Variants in TTC19 observed in about 807,000 individuals in gnomAD.
TTC19 encodes the protein tetratricopeptide repeat protein 19, mitochondrial.
In TTC19, 38 loss-of-function variants were observed where a neutral mutation model predicts 49.5. The ratio of observed to expected loss-of-function variants is 0.77; its 90% CI spans 0.59 to 1.01. TTC19 has a LOEUF of 1.01. Ranked by LOEUF, TTC19 falls within the 50% of genes least tolerant of loss-of-function variation. The pLI, the probability that TTC19 is intolerant of heterozygous loss-of-function variation, is 0.00. For missense variants in TTC19, 475 were observed against 477.7 expected (o/e 0.99, Z 0.05); for synonymous variants, 204 against 185.2 (o/e 1.10, Z -0.83).
At chr17:16,031,021 T>C (rs1313866637), downstream of TTC19, 2 of 195,922 alleles carry the variant, frequency 1.0e-5, no homozygotes, top group Non-Finnish European at 2.1e-5. Context: ...AATGCTATGA[T>C]AAATTGTATG....
Position 16,021,055 on chromosome 17 carries a change from C to T in TTC19, c.677-3962C>T, listed in dbSNP as rs1052091718. Among the ~76,000 whole-genome samples, 5 of 152,200 alleles carry T rather than the reference C, an allele frequency of 3.3e-5. No homozygotes were observed. In the East Asian group the frequency reaches 5.8e-4, roughly 18 times the overall value. On this transcript the variant is annotated intron_variant, in intron 7 of 9. Coordinates refer to ENST00000261647, the MANE Select transcript of TTC19 (RefSeq NM_017775.4). ...TCAGAAATACTGAGTGCCCATTACA[C>T]ACTAGATATGCTGCTAGGTGCTGAG...
intron 2 of TTC19, chr17:16,044,395 C>T: frequency 2.1e-6 from 1 of 471,280 alleles, no homozygotes; most frequent in Middle Eastern, 3.3e-4. Context: ...AAACAAACAT[C>T]CACCAGGCAG....
chr17:16,001,969 C>G lies in TTC19; in HGVS notation c.367C>G (p.Leu123Val). The change falls in exon 3 of 10, where the codon CTT becomes GTT. Residue 123 changes from leucine (L) to valine (V), a missense_variant. Coordinates refer to ENST00000261647, the MANE Select transcript of TTC19 (RefSeq NM_017775.4). ...GGCTGAGTTAATTTTGCATGACGCT[C>G]TTCGTCTCGCCTATCAGACTGATAA... ...EEAELILHDA[L>V]RLAYQTDNKK... The G allele has an allele frequency of 6.2e-7, 1 of 1,613,440 alleles. No individual in the cohort carries two copies. The highest frequency in any genetic ancestry group is 8.5e-7 in the Non-Finnish European group (1 of 1,180,004).
chr17:16,006,135 C>T lies in TTC19; in HGVS notation c.582-339C>T, dbSNP rs146117398. Among the ~76,000 whole-genome samples the T allele has an allele frequency of 2.0e-4, 31 of 152,278 alleles. 1 individual carries two copies. In the East Asian group the frequency reaches 5.2e-3, roughly 26 times the overall value. On this transcript the variant is annotated intron_variant, in intron 6 of 9. Transcript: ENST00000261647. ...TTTGTGAAAAGGTAAATGGGCCGGG[C>T]GCAGTGGCTCACGCCTGTAATCCCA...
chr17:16,020,488 T>G (rs1315709951), intron 7 of TTC19, among the ~76,000 whole-genome samples: 2 of 152,228 alleles, frequency 1.3e-5, no homozygotes, highest in East Asian at 3.8e-4. Context: ...AAAATTTGTA[T>G]ATTAACAGAA....
chr17:16,039,656 T>C, intron 2 of TTC19: 1 of 1,611,282 alleles, frequency 6.2e-7, no homozygotes, highest in Non-Finnish European at 8.5e-7. Flanking sequence ...TAACTGAGCC[T>C]GAAAGAGAAT....
chr17:16,004,767 T>C (rs376508545), intron 6 of TTC19, among the ~76,000 whole-genome samples: 2 of 152,152 alleles, frequency 1.3e-5, no homozygotes, highest in East Asian at 3.9e-4. Flanking sequence ...CAGAAGTTGG[T>C]GCGAGAGGTT....
chr17:16,027,654 T>G lies in TTC19; in HGVS notation c.*132T>G. On this transcript the variant is annotated 3_prime_UTR_variant, in exon 10 of 10. Coordinates refer to ENST00000261647, the MANE Select transcript of TTC19 (RefSeq NM_017775.4). ...TCAGGTTTCCTCAATTTAGCCTTAG[T>G]GAAGGAGGGGTTGTACACACTGCCA... 3 of 1,083,200 alleles carry G rather than the reference T, an allele frequency of 2.8e-6. No individual in the cohort carries two copies. Among genetic ancestry groups the G allele is most frequent in the African/African-American group, 1.6e-5 (1 of 64,094 alleles). 67.1% of individuals were successfully genotyped at this position (1,083,200 alleles called of 1,614,324 possible).
chr17:16,042,948 T>C (rs2152089290), intron 2 of TTC19, among the ~76,000 whole-genome samples: 1 of 151,784 alleles, frequency 6.6e-6, no homozygotes, highest in East Asian at 1.9e-4. Flanking sequence ...CTCCCCAGAG[T>C]AGATGAGATG....
At chr17:16,035,530 CTTTTTTTTTTT>C (rs966987249) in intron 2 of TTC19, among the ~76,000 whole-genome samples, 3 of 118,328 alleles carry the variant, frequency 2.5e-5, no homozygotes, top group Non-Finnish European at 5.4e-5. Flanking sequence ...TTCTCTTGTT[CTTTTTTTTTTT>C]TTTTTTTTTT....
chr17:16,016,049 A>G (rs1971203873), intron 7 of TTC19, among the ~76,000 whole-genome samples: 1 of 150,984 alleles, frequency 6.6e-6, no homozygotes, highest in East Asian at 1.9e-4. Flanking sequence ...TGTCTTTATT[A>G]CCTCTCTCCT....
At chr17:16,036,995 A>C (rs1413070535) in intron 2 of TTC19, among the ~76,000 whole-genome samples, 1 of 152,256 alleles carries the variant, frequency 6.6e-6, no homozygotes, top group Non-Finnish European at 1.5e-5. Context: ...CACTAAGCTT[A>C]ATCATTTCTA....
intron 7 of TTC19, among the ~76,000 whole-genome samples, chr17:16,022,028 G>T (rs73981407): frequency 0.018 from 2,784 of 152,164 alleles, 90 homozygotes; most frequent in African/African-American, 0.065. Flanking sequence ...TGTGGTCGGG[G>T]GGTTAAGGGG....
exon 3 of TTC19, chr17:16,044,828 C>G: frequency 9.3e-7 from 1 of 1,074,772 alleles, no homozygotes; most frequent in Non-Finnish European, 1.4e-6. Context: ...TGGACCTGCT[C>G]CAGCAGCTGG....
chr17:16,024,198 TCA>T (rs1971472672), intron 7 of TTC19: 1 of 152,226 alleles, frequency 6.6e-6, no homozygotes, highest in Non-Finnish European at 1.5e-5. Flanking sequence ...CATCGTATAG[TCA>T]ATTCTTGAAT....
chr17:16,019,879 C>G (rs755274332), intron 7 of TTC19, among the ~76,000 whole-genome samples: 1 of 150,860 alleles, frequency 6.6e-6, no homozygotes, highest in Non-Finnish European at 1.5e-5. Flanking sequence ...GTAATCCCAG[C>G]ATTTTGGGAG....
chr17:16,025,079 C>A lies in TTC19; in HGVS notation c.739C>A (p.Leu247Ile). 6.2e-7 allele frequency: 1 copy of A among 1,613,916 alleles called. No individual in the cohort carries two copies. Among genetic ancestry groups the A allele is most frequent in the Non-Finnish European group, 8.5e-7 (1 of 1,179,834 alleles). ...GTGCTTAGACGCCTGTGCTCGCTAC[C>A]TTCTGTTCTCCAAGCAGCCGTCACA... ...GMCLDACARY[L>I]LFSKQPSQAQ... Residue 247 changes from leucine (L) to isoleucine (I), a missense_variant, in exon 8 of 10, where the codon CTT becomes ATT. Coordinates refer to ENST00000261647, the MANE Select transcript of TTC19 (RefSeq NM_017775.4).
intron 7 of TTC19, among the ~76,000 whole-genome samples, chr17:16,009,252 T>C (rs1970997904): frequency 1.3e-5 from 2 of 152,222 alleles, no homozygotes; most frequent in Non-Finnish European, 2.9e-5. Flanking sequence ...TTTATAGTGT[T>C]GACTATGGTT....
chr17:16,022,814 T>C (rs1971424970), intron 7 of TTC19, among the ~76,000 whole-genome samples: 1 of 152,210 alleles, frequency 6.6e-6, no homozygotes, highest in South Asian at 2.1e-4. Flanking sequence ...CTTCATGGAC[T>C]GAGTATAGTA....
Sources: gnomAD v4.1 joint callset for allele counts (sites outside exome capture counted in the v4.1 genomes callset) on GRCh38, gnomAD v4.1.1 for gene constraint, MANE v1.5 for transcripts, NCBI Gene and HGNC (gene_info 2026-07-23, HGNC 2026-07-21) for gene names.